SMC1B: variants seen among roughly 807,000 people sequenced by gnomAD.
SMC1B encodes the protein structural maintenance of chromosomes 1B.
SMC1B carries 60 observed loss-of-function variants against 157.9 expected under a neutral mutation model. The observed-to-expected ratio is 0.38, with a 90% CI of 0.31 to 0.47. The LOEUF (loss-of-function observed/expected upper bound fraction) is 0.47. SMC1B is among the 20% of genes least tolerant of loss of function. The pLI is 0.99. For synonymous variants in SMC1B, 445 were observed against 483.0 expected (o/e 0.92, Z 1.03); for missense variants, 1,165 against 1,426.2 (o/e 0.82, Z 2.95).
chr22:45,403,743 G>A (rs180968435), intron 4 of SMC1B, among the ~76,000 whole-genome samples: 2 of 152,314 alleles, frequency 1.3e-5, no homozygotes, highest in Non-Finnish European at 2.9e-5. Flanking sequence ...AAAGATGTGA[G>A]CCACCATACC....
chr22:45,408,699 T>C lies in SMC1B; in HGVS notation c.298+11A>G, dbSNP rs1569201969. 1 of 1,554,554 alleles carries C rather than the reference T, an allele frequency of 6.4e-7. No individual in the cohort carries two copies. Among genetic ancestry groups the C allele is most frequent in the Non-Finnish European group, 8.7e-7 (1 of 1,155,296 alleles). On this transcript the variant is annotated intron_variant, in intron 2 of 24. Coordinates refer to ENST00000357450, the MANE Select transcript of SMC1B (RefSeq NM_148674.5). ...TGAAAAATAAAATGAAAAAAAATTA[T>C]AAAAAAATACCTCGGATAATCCTTG...
At chr22:45,410,594 T>TC (rs2087320998) in intron 1 of SMC1B, among the ~76,000 whole-genome samples, 1 of 152,130 alleles carries the variant, frequency 6.6e-6, no homozygotes, top group South Asian at 2.1e-4. Flanking sequence ...TCCCAGCTAC[T>TC]CGGGAGGCTG....
chr22:45,388,752 G>A (rs189049157), intron 10 of SMC1B, among the ~76,000 whole-genome samples: 1 of 151,926 alleles, frequency 6.6e-6, no homozygotes, highest in African/African-American at 2.4e-5. Context: ...CGAGGCAGGC[G>A]GATCACCTGA....
Position 45,399,108 on chromosome 22 carries a change from A to C in SMC1B, c.1100T>G (p.Leu367Arg). 6.2e-7 allele frequency: 1 copy of C among 1,612,344 alleles called. No individual in the cohort carries two copies. The highest frequency in any genetic ancestry group is 1.7e-5 in the Admixed American group (1 of 59,802). Reference protein sequence around the residue: ...EILHKKRDIELEASQLDRYKE... With the variant: ...EILHKKRDIEREASQLDRYKE... ...GTCCTTTTTTACCTGACTGGCTTCC[A>C]GTTCAATGTCTCGCTTTTTATGTAA... Residue 367 changes from leucine (L) to arginine (R), a missense_variant, in exon 6 of 25, where the codon CTG becomes CGG. Transcript: ENST00000357450.
rs1346379803 is a variant in SMC1B at position 45,370,038 on chromosome 22, T to G, written c.2336A>C (p.His779Pro). The G allele has an allele frequency of 6.3e-7, 1 of 1,585,984 alleles. No homozygotes were observed. The highest frequency in any genetic ancestry group is 8.6e-7 in the Non-Finnish European group (1 of 1,163,818). Reference sequence around the variant, plus strand: ...TTCCACGCCAATTTCTTCACAGAAGTGTTGGAAGATATCGTCTTCTACCTT... The same window carrying G: ...TTCCACGCCAATTTCTTCACAGAAGGGTTGGAAGATATCGTCTTCTACCTT... ...IDKVEDDIFQ[H>P]FCEEIGVENI... Residue 779 changes from histidine to proline, a missense_variant, in exon 15 of 25, where the codon CAC becomes CCC. His to Pro is a moderately conservative substitution (Grantham distance 77). Transcript: ENST00000357450.
chr22:45,361,810 G>T (rs1348901182), intron 17 of SMC1B, 29 bp downstream of exon 17: 1 of 1,603,580 alleles, frequency 6.2e-7, no homozygotes, highest in Non-Finnish European at 8.5e-7. Context: ...CTCTGACTAG[G>T]TCTTTCAAAC....
In SMC1B at chr22:45,396,465, T is replaced by C; in HGVS notation, c.1135A>G (p.Lys379Glu). The C allele has an allele frequency of 6.2e-7, 1 of 1,613,072 alleles. No individual in the cohort carries two copies. The highest frequency in any genetic ancestry group is 8.5e-7 in the Non-Finnish European group (1 of 1,179,634). The change falls in exon 7 of 25, where the codon AAG becomes GAG. Residue 379 changes from lysine (K) to glutamate (E), a missense_variant. Coordinates refer to ENST00000357450, the MANE Select transcript of SMC1B (RefSeq NM_148674.5). ...GCTACTTTCTTTCTTACTTGTTCCT[T>C]AAGTTCTTTATAACGATCCAGCTGC... is the stretch of plus-strand genomic sequence containing the variant. The part of the protein sequence containing the change: ...ASQLDRYKEL[K>E]EQVRKKVATM...
chr22:45,387,213 T>C (rs6006737), intron 10 of SMC1B, among the ~76,000 whole-genome samples, 167 bp from the exon 11 acceptor site: 73,843 of 152,040 alleles, frequency 0.49, 20,805 homozygotes, highest in African/African-American at 0.78. Flanking sequence ...TTTGGGAGGC[T>C]GAGGTGGGCA....
intron 6 of SMC1B, among the ~76,000 whole-genome samples, chr22:45,397,748 A>C (rs1197319757): frequency 6.6e-6 from 1 of 152,126 alleles, no homozygotes; most frequent in Non-Finnish European, 1.5e-5. Context: ...ACATTCCTCC[A>C]TTCTGAGTCC....
At chr22:45,401,250 T>A (rs2087189584) in intron 5 of SMC1B, among the ~76,000 whole-genome samples, 1 of 152,180 alleles carries the variant, frequency 6.6e-6, no homozygotes, top group Non-Finnish European at 1.5e-5. Context: ...ATAGTGAAGG[T>A]TAAGAGAGTC....
At chr22:45,397,865 A>T (rs563618903) in intron 6 of SMC1B, among the ~76,000 whole-genome samples, 10 of 152,228 alleles carry the variant, frequency 6.6e-5, no homozygotes, top group Admixed American at 2.0e-4. Context: ...TAGCTCAATA[A>T]AATTCTTCTT....
chr22:45,386,099 T>C (rs1162338142), intron 11 of SMC1B, among the ~76,000 whole-genome samples: 2 of 152,052 alleles, frequency 1.3e-5, no homozygotes, highest in Non-Finnish European at 2.9e-5. Context: ...ATAGGTAATA[T>C]TATTTCCCCA....
intron 22 of SMC1B, among the ~76,000 whole-genome samples, chr22:45,352,220 C>CAA (rs34136195): frequency 5.7e-5 from 7 of 122,646 alleles, no homozygotes; most frequent in African/African-American, 7.2e-5. Flanking sequence ...ACTCTGTCTC[C>CAA]AAAAAAAAAA....
At chr22:45,363,693 T>C (rs554550217) in intron 15 of SMC1B, among the ~76,000 whole-genome samples, 4 of 92,146 alleles carry the variant, frequency 4.3e-5, no homozygotes, top group South Asian at 9.5e-4. Flanking sequence ...CAAAAGCAGA[T>C]ACAAAAAAAA....
At chr22:45,374,613 CCTT>C (rs2086867659) in intron 12 of SMC1B, among the ~76,000 whole-genome samples, 1 of 152,150 alleles carries the variant, frequency 6.6e-6, no homozygotes, top group Admixed American at 6.5e-5. Flanking sequence ...CAATTGTTTT[CCTT>C]CTTTTTTCCC....
intron 12 of SMC1B, among the ~76,000 whole-genome samples, chr22:45,374,094 T>G (rs2086861155): frequency 1.5e-5 from 1 of 65,180 alleles, no homozygotes; most frequent in South Asian, 4.9e-4. Context: ...AAGACGGTTT[T>G]TTTTTTTTTT....
Position 45,352,351 on chromosome 22 carries a change from T to C in SMC1B, c.3425+100A>G, listed in dbSNP as rs559530636. The C allele has an allele frequency of 4.3e-5, 47 of 1,093,630 alleles. No individual in the cohort carries two copies. In the East Asian group the frequency reaches 7.1e-4, roughly 16 times the overall value. 67.7% of individuals were successfully genotyped at this position (1,093,630 alleles called of 1,614,324 possible). On this transcript the variant is annotated intron_variant, in intron 22 of 24. Transcript: ENST00000357450. ...GAAGAAGATAGTTTTGTATCTCATTTGCTAAATATTAATAAAGACAATAGT... is the reference window on the plus strand; with the variant it reads ...GAAGAAGATAGTTTTGTATCTCATTCGCTAAATATTAATAAAGACAATAGT...
At chr22:45,387,592 A>G (rs1317342426) in intron 10 of SMC1B, among the ~76,000 whole-genome samples, 1 of 152,236 alleles carries the variant, frequency 6.6e-6, no homozygotes, top group African/African-American at 2.4e-5. Context: ...CGTAATTTCC[A>G]GTTTCAACTC....
intron 12 of SMC1B, among the ~76,000 whole-genome samples, chr22:45,374,355 G>T (rs2146800682): frequency 6.6e-6 from 1 of 152,192 alleles, no homozygotes; most frequent in Non-Finnish European, 1.5e-5. Flanking sequence ...GGTCTTTCTA[G>T]AGATTGGGTT....
Sources: gnomAD v4.1 joint callset for allele counts (sites outside exome capture counted in the v4.1 genomes callset) on GRCh38, gnomAD v4.1.1 for gene constraint, MANE v1.5 for transcripts, NCBI Gene and HGNC (gene_info 2026-07-23, HGNC 2026-07-21) for gene names.